Variants in GREB1 observed in about 807,000 individuals in gnomAD.
GREB1 encodes growth regulating estrogen receptor binding 1.
A neutral mutation model predicts 200.7 loss-of-function variants in GREB1; 106 were observed. The observed-to-expected ratio is 0.53, with a 90% CI of 0.45 to 0.62. The LOEUF is 0.62. GREB1 is among the 20% of genes least tolerant of loss of function. GREB1 has a pLI of 0.00. For missense variants in GREB1, 2,243 were observed against 2,556.8 expected, an observed-to-expected ratio of 0.88 and a Z score of 2.65; for synonymous variants, 1,132 against 1,092.4, an observed-to-expected ratio of 1.04 and a Z score of -0.72.
At chr2:11,637,646 A>C in intron 30 of GREB1, 70 bp from the exon 31 acceptor site, 1 of 1,443,016 alleles carries the variant, frequency 6.9e-7, no homozygotes. Flanking sequence ...CCACCCTTGC[A>C]GCCCGGAAGC....
At chr2:11,562,924 G>T in intron 3 of GREB1, 1 of 191,842 alleles carries the variant, frequency 5.2e-6, no homozygotes. Context: ...ACTCAGGCCT[G>T]TTTGCACAGC....
intron 1 of GREB1, among the ~76,000 whole-genome samples, chr2:11,490,096 T>C (rs999201084): frequency 2.0e-5 from 3 of 152,028 alleles, no homozygotes; most frequent in Non-Finnish European, 4.4e-5. Flanking sequence ...TTTTAGAGAA[T>C]ACAGTTCAGT....
upstream of GREB1, among the ~76,000 whole-genome samples, chr2:11,531,053 G>C (rs1231465925): frequency 6.6e-6 from 1 of 152,194 alleles, no homozygotes; most frequent in East Asian, 1.9e-4. Context: ...GAGTTCCCTA[G>C]GTAGGTGGGC....
intron 1 of GREB1, among the ~76,000 whole-genome samples, chr2:11,520,642 G>A (rs1231503890): frequency 6.6e-6 from 1 of 151,962 alleles, no homozygotes; most frequent in African/African-American, 2.4e-5. Flanking sequence ...CCTTCTTCTT[G>A]TATTATCCCT....
chr2:11,498,582 G>A (rs192353541), intron 1 of GREB1, among the ~76,000 whole-genome samples: 80 of 152,302 alleles, frequency 5.3e-4, no homozygotes, highest in Middle Eastern at 3.4e-3. Flanking sequence ...GAACTGGGGG[G>A]CAGTGAGGTG....
chr2:11,623,840 G>A (rs562765360), intron 23 of GREB1, among the ~76,000 whole-genome samples: 3 of 152,306 alleles, frequency 2.0e-5, no homozygotes, highest in East Asian at 1.9e-4. Context: ...AGTGAGCTGA[G>A]ATGGTGCCAC....
At chr2:11,615,030 T>G (rs1683287827) in intron 19 of GREB1, 61 bp from the exon 20 acceptor site, 2 of 1,288,886 alleles carry the variant, frequency 1.6e-6, no homozygotes, top group Non-Finnish European at 2.3e-6. Context: ...CCTGCCGCAG[T>G]GGGAACAGCA....
chr2:11,640,547 C>T lies in GREB1; in HGVS notation c.*93C>T, dbSNP rs1269776664. 5 of 1,408,324 alleles carry T rather than the reference C, an allele frequency of 3.6e-6. No individual in the cohort carries two copies. Among genetic ancestry groups the T allele is most frequent in the Non-Finnish European group, 5.0e-6 (5 of 1,005,022 alleles). The allele number at this position is 1,408,324 out of a possible 1,614,324, so 87.2% of individuals were successfully genotyped here. On this transcript the variant is annotated 3_prime_UTR_variant, in exon 33 of 33. Transcript: ENST00000381486. This position sits in a 1 kb window ranked among gnomAD's most constrained non-coding sequence, Gnocchi z 4.6. The stretch of plus-strand genomic sequence containing the variant: ...AGGCCTGGAACGGTGGGGCGTTTGA[C>T]TGGAATGGACCCCAGGGACTGTCCA...
chr2:11,560,339 T>C (rs2147901431), intron 2 of GREB1, among the ~76,000 whole-genome samples: 1 of 152,224 alleles, frequency 6.6e-6, no homozygotes, highest in Admixed American at 6.5e-5. Context: ...TGGACGGTGT[T>C]AGAGCCAAGT....
intron 10 of GREB1, chr2:11,591,866 C>A: frequency 4.2e-6 from 1 of 238,700 alleles, no homozygotes; most frequent in African/African-American, 2.3e-5. Flanking sequence ...TTTATGTTGG[C>A]TGAAAATGGC....
Position 11,634,139 on chromosome 2 carries a change from C to T in GREB1, c.5000C>T (p.Ser1667Phe), listed in dbSNP as rs1685118533. 1.9e-6 allele frequency: 3 copies of T among 1,614,070 alleles called. No individual in the cohort carries two copies. In the South Asian group the frequency reaches 3.3e-5, roughly 18 times the overall value. ...NSAGERSREF[S>F]WSERNVSLKH... ...CTCCCTCCTTGGAGCAGGGAGTTCTCCTGGTCGGAAAGGAACGTGTCTTTG... is the reference window on the plus strand; with the variant it reads ...CTCCCTCCTTGGAGCAGGGAGTTCTTCTGGTCGGAAAGGAACGTGTCTTTG... Residue 1667 changes from serine (S) to phenylalanine (F), a missense_variant, in exon 29 of 33, where the codon TCC becomes TTC. Ser to Phe is a radical substitution (Grantham distance 155). Coordinates refer to ENST00000381486, the MANE Select transcript of GREB1 (RefSeq NM_014668.4).
chr2:11,483,690 GTGT>G (rs1558476334), intron 1 of GREB1, among the ~76,000 whole-genome samples: 5 of 2,130 alleles, frequency 2.3e-3, no homozygotes, highest in South Asian at 0.025. Context: ...AAGAAGGGGT[GTGT>G]GTGTGTGTGT....
chr2:11,553,569 C>G (rs1380072112), intron 1 of GREB1, among the ~76,000 whole-genome samples: 1 of 151,492 alleles, frequency 6.6e-6, no homozygotes, highest in African/African-American at 2.4e-5. Context: ...TTCCCCCATT[C>G]TATTTTTTTT....
Position 11,552,576 on chromosome 2 carries a change from G to A in GREB1, c.-161-3878G>A, listed in dbSNP as rs545254360. On this transcript the variant is annotated intron_variant, in intron 1 of 32. Transcript: ENST00000381486. ...GTCAGAGAGCTCCAGATGTACCTCC[G>A]CGGCAGGACCGGTCTGGCCCAAACC... 3.9e-5 allele frequency among the ~76,000 whole-genome samples: 6 copies of A among 152,270 alleles called. No individual in the cohort carries two copies. The South Asian group carries it at 1.0e-3, about 26-fold the overall frequency.
intron 17 of GREB1, among the ~76,000 whole-genome samples, chr2:11,605,821 G>A (rs564813815): frequency 3.8e-4 from 58 of 151,994 alleles, no homozygotes; most frequent in Non-Finnish European, 6.9e-4. Flanking sequence ...GAATACTATC[G>A]TATGGCCATA....
In GREB1 at chr2:11,616,613, G is replaced by A. The variant is rs774236753; in HGVS notation, c.3323-18G>A. On this transcript the variant is annotated intron_variant, in intron 20 of 32. Coordinates refer to ENST00000381486, the MANE Select transcript of GREB1 (RefSeq NM_014668.4). ...ATGGTGATTTCGGTGCATTCTCAGC[G>A]TGTGTGTTTTGGAACAGGCTCTACC... The A allele has an allele frequency of 3.3e-5, 49 of 1,496,238 alleles. No individual in the cohort carries two copies. Among genetic ancestry groups the A allele is most frequent in the African/African-American group, 5.5e-5 (4 of 72,698 alleles). 92.7% of individuals were successfully genotyped at this position (1,496,238 alleles called of 1,614,324 possible).
At chr2:11,622,091 G>GT (rs151335051) in intron 23 of GREB1, among the ~76,000 whole-genome samples, 18 of 152,036 alleles carry the variant, frequency 1.2e-4, no homozygotes, top group African/African-American at 3.1e-4. Context: ...CACCAAGACT[G>GT]TTTTTTTTAG....
intron 24 of GREB1, among the ~76,000 whole-genome samples, chr2:11,625,942 C>T (rs1684416011): frequency 6.6e-6 from 1 of 152,098 alleles, no homozygotes; most frequent in Non-Finnish European, 1.5e-5. Context: ...TATATAGCAG[C>T]AGGCAAGAGA....
chr2:11,568,502 C>T (rs1677921696), intron 4 of GREB1, among the ~76,000 whole-genome samples: 1 of 152,258 alleles, frequency 6.6e-6, no homozygotes, highest in Non-Finnish European at 1.5e-5. Context: ...TTCCAGAAAA[C>T]CCACTCTAGC....
Sources: gnomAD v4.1 joint callset for allele counts (sites outside exome capture counted in the v4.1 genomes callset) on GRCh38, gnomAD v4.1.1 for gene constraint, Gnocchi (gnomAD v3.1) non-coding constraint, MANE v1.5 for transcripts, NCBI Gene and HGNC (gene_info 2026-07-23, HGNC 2026-07-21) for gene names.